Variants in ZNF558 observed in about 807,000 individuals in gnomAD.
ZNF558 encodes the protein zinc finger protein 558.
Under a neutral mutation model 37.6 loss-of-function variants are expected in ZNF558, and 23 were observed. The observed-to-expected ratio is 0.61, with a 90% CI of 0.44 to 0.87. The LOEUF (loss-of-function observed/expected upper bound fraction) is 0.87. Among genes scored for constraint, ZNF558 ranks in the 40% least tolerant of loss-of-function variants. ZNF558 has a pLI of 0.00. For missense variants in ZNF558, 429 were observed against 483.7 expected (o/e 0.89, Z 1.06); for synonymous variants, 189 against 174.4 (o/e 1.08, Z -0.66).
At chr19:8,818,112 T>C (rs1216678717) in intron 7 of ZNF558, among the ~76,000 whole-genome samples, 1 of 152,114 alleles carries the variant, frequency 6.6e-6, no homozygotes, top group East Asian at 1.9e-4. Context: ...TAAAAAACAA[T>C]GAACTCATAC....
chr19:8,817,891 G>A (rs186221054), intron 7 of ZNF558, among the ~76,000 whole-genome samples: 5 of 152,234 alleles, frequency 3.3e-5, no homozygotes, highest in Admixed American at 2.0e-4. Context: ...ATAATCGTTT[G>A]AGACTTCAAT....
At chr19:8,821,334 G>T (rs1166724741) in intron 6 of ZNF558, 28 bp from the exon 7 acceptor site, 6 of 1,614,028 alleles carry the variant, frequency 3.7e-6, no homozygotes, top group Non-Finnish European at 4.2e-6. Flanking sequence ...TCACGGCTTA[G>T]CCAAGGACCA....
Position 8,811,244 on chromosome 19 carries a change from T to G in ZNF558, c.*37A>C, listed in dbSNP as rs782819564. ...CTCAAACTATCTTAGGGATGAAAGA[T>G]CAATGAGTGCTTTCCTCCAGAAGTT... On this transcript the variant is annotated 3_prime_UTR_variant, in exon 10 of 10. Transcript: ENST00000601372. 1 of 1,514,590 alleles carries G rather than the reference T, an allele frequency of 6.6e-7. No individual in the cohort carries two copies. Among genetic ancestry groups the G allele is most frequent in the Non-Finnish European group, 8.8e-7 (1 of 1,130,084 alleles). The allele number at this position is 1,514,590 out of a possible 1,614,324, so 93.8% of individuals were successfully genotyped here.
At position 8,810,045 on chromosome 19, in the gene ZNF558, A is replaced by G. The variant is rs920705113; in HGVS notation, c.*1236T>C. 5 of 152,236 alleles carry G rather than the reference A, an allele frequency of 3.3e-5. No individual in the cohort carries two copies. Among genetic ancestry groups the G allele is most frequent in the African/African-American group, 9.6e-5 (4 of 41,472 alleles). 9.4% of individuals were successfully genotyped at this position (152,236 alleles called of 1,614,324 possible). A position where few individuals can be genotyped will look rare whatever the true frequency, so the allele number is the denominator to read the frequency against. ...GGTTTTGCATCCAGGGAGAAGTTCC[A>G]TATTTTCCCTAACACAGAGGCATCA... On this transcript the variant is annotated 3_prime_UTR_variant, in exon 10 of 10. Transcript: ENST00000601372.
chr19:8,816,982 A>G (rs567742939), intron 7 of ZNF558, among the ~76,000 whole-genome samples: 2 of 152,348 alleles, frequency 1.3e-5, no homozygotes, highest in East Asian at 3.9e-4. Flanking sequence ...TAAAATGCTT[A>G]TTAAAATTCT....
In ZNF558 at chr19:8,822,174, C is replaced by G; in HGVS notation, c.32-83G>C. 6.5e-7 allele frequency: 1 copy of G among 1,545,008 alleles called. No homozygotes were observed. Among genetic ancestry groups the G allele is most frequent in the South Asian group, 1.2e-5 (1 of 86,172 alleles). ...CCCCTGATTGACCACACCCACCTCC[C>G]ACACCCACACGGATGAGGCACCACA... is the stretch of plus-strand genomic sequence containing the variant. On this transcript the variant is annotated intron_variant, in intron 5 of 9. Transcript: ENST00000601372. This position sits in a 1 kb window ranked among gnomAD's most constrained non-coding sequence, Gnocchi z 4.4.
chr19:8,822,038 C>T lies in ZNF558; in HGVS notation c.85G>A (p.Glu29Lys), dbSNP rs769323779. 1.1e-5 allele frequency: 17 copies of T among 1,613,998 alleles called. No homozygotes were observed. The highest frequency in any genetic ancestry group is 1.4e-5 in the Non-Finnish European group (17 of 1,179,986). ...CTTGTCAGGAGCTCATTAACCAGCT[C>T]TCCGCCCTGTGTGTGTCCTTTTTGC... ...SQQKGHTQGGELVNELLTSWL... is the reference protein window; with the variant it reads ...SQQKGHTQGGKLVNELLTSWL... The change falls in exon 6 of 10, where the codon GAG becomes AAG. Residue 29 changes from glutamate (E) to lysine (K), a missense_variant. Glu to Lys is a moderately conservative substitution (Grantham distance 56). Transcript: ENST00000601372. The surrounding 1 kb of genome is among the most constrained non-coding windows in gnomAD (Gnocchi z 4.4).
chr19:8,834,161 A>T (rs2044426515), upstream of ZNF558, among the ~76,000 whole-genome samples: 1 of 152,304 alleles, frequency 6.6e-6, no homozygotes, highest in South Asian at 2.1e-4. Context: ...AAATAGTTAG[A>T]TCTCTGCTTC....
At chr19:8,817,658 G>C (rs2043972958) in intron 7 of ZNF558, among the ~76,000 whole-genome samples, 1 of 151,808 alleles carries the variant, frequency 6.6e-6, no homozygotes. Context: ...TAAGACACTT[G>C]CTTTATATTC....
upstream of ZNF558, among the ~76,000 whole-genome samples, chr19:8,835,049 T>C (rs924480941): frequency 3.0e-5 from 4 of 132,834 alleles, no homozygotes; most frequent in Admixed American, 3.0e-4. Context: ...GAACAAAGAG[T>C]TTTTTTTTTT....
intron 7 of ZNF558, among the ~76,000 whole-genome samples, chr19:8,817,453 G>A: frequency 6.6e-6 from 1 of 151,802 alleles, no homozygotes; most frequent in Non-Finnish European, 1.5e-5. Flanking sequence ...CCCAACTGTA[G>A]GCTAATGTAA....
At chr19:8,818,597 C>T (rs2044001584) in intron 7 of ZNF558, among the ~76,000 whole-genome samples, 1 of 152,048 alleles carries the variant, frequency 6.6e-6, no homozygotes, top group South Asian at 2.1e-4. Context: ...TCTGAAAATT[C>T]ATGGCATTGC....
In ZNF558 at chr19:8,811,323, G is replaced by T; in HGVS notation, c.1167C>A (p.Ser389=). 1.2e-6 allele frequency: 2 copies of T among 1,606,868 alleles called. No individual in the cohort carries two copies. The highest frequency in any genetic ancestry group is 1.7e-6 in the Non-Finnish European group (2 of 1,176,744). The change falls in exon 10 of 10, where the codon TCC becomes TCA. Residue 389 remains serine (S), a synonymous_variant. Transcript: ENST00000601372. ...NHCGKSFTSN[S]YLSVHKRIHN... is the part of the protein sequence containing the mutation. The stretch of plus-strand genomic sequence containing the variant: ...GTATTCTCTTGTGCACAGAAAGATA[G>T]GAGTTACTTGTGAAGGATTTCCCAC...
chr19:8,815,797 AAGAGAG>A lies in ZNF558; in HGVS notation c.248-2581_248-2576del, dbSNP rs145744383. Reference sequence around the variant, plus strand: ...TGAGTGAGAACCTGTCTCAAAGATAAAGAGAGAGAGAGAGAGAGAGAGAATGTGAGT... The same window carrying A: ...TGAGTGAGAACCTGTCTCAAAGATAAAGAGAGAGAGAGAGAGAATGTGAGT... On this transcript the variant is annotated intron_variant, in intron 7 of 9. Transcript: ENST00000601372. Among the ~76,000 whole-genome samples the A allele has an allele frequency of 2.9e-4, 43 of 148,132 alleles. No individual in the cohort carries two copies. The East Asian group carries it at 5.9e-3, about 20-fold the overall frequency.
In ZNF558 at chr19:8,814,398, A is replaced by C. The variant is rs563301063; in HGVS notation, c.248-1176T>G. Among the ~76,000 whole-genome samples, 17 of 152,354 alleles carry C rather than the reference A, an allele frequency of 1.1e-4. No homozygotes were observed. In the South Asian group the frequency reaches 3.1e-3, roughly 28 times the overall value. On this transcript the variant is annotated intron_variant, in intron 7 of 9. Transcript: ENST00000601372. ...TGGAACACACGTGATCGACAGATGTAAAGGTAAATGTATTAGTCAGTACTG... is the reference window on the plus strand; with the variant it reads ...TGGAACACACGTGATCGACAGATGTCAAGGTAAATGTATTAGTCAGTACTG...
chr19:8,828,251 C>T (rs937278974), intron 2 of ZNF558, among the ~76,000 whole-genome samples: 2 of 152,316 alleles, frequency 1.3e-5, no homozygotes, highest in East Asian at 1.9e-4. Context: ...CAGAGATGTT[C>T]GCTTTCCCCA....
intron 2 of ZNF558, among the ~76,000 whole-genome samples, chr19:8,829,804 G>T (rs2145309661): frequency 6.6e-6 from 1 of 152,268 alleles, no homozygotes; most frequent in South Asian, 2.1e-4. Context: ...ATTCCTTCAA[G>T]AATGCTGTAG....
In ZNF558 at chr19:8,822,848, G is replaced by T; in HGVS notation, c.-65-124C>A. 1 of 852,388 alleles carries T rather than the reference G, an allele frequency of 1.2e-6. No individual in the cohort carries two copies. 52.8% of individuals were successfully genotyped at this position (852,388 alleles called of 1,614,324 possible). A position where few individuals can be genotyped will look rare whatever the true frequency, so the allele number is the denominator to read the frequency against. ...ATGCAAGTTCCGGCTTCCACACTGG[G>T]CCTTTATTTTGCTGAGCAGGCAATG... On this transcript the variant is annotated intron_variant, in intron 4 of 9. Coordinates refer to ENST00000601372, the MANE Select transcript of ZNF558 (RefSeq NM_144693.3). The surrounding 1 kb of genome is among the most constrained non-coding windows in gnomAD (Gnocchi z 4.4).
intron 7 of ZNF558, 152 bp downstream of exon 7, chr19:8,821,028 G>T: frequency 8.3e-7 from 1 of 1,209,628 alleles, no homozygotes; most frequent in Non-Finnish European, 1.1e-6. Flanking sequence ...TACCATGAAT[G>T]TATGAAAAAC....
Sources: allele counts gnomAD v4.1 joint callset (sites outside exome capture counted in the v4.1 genomes callset), GRCh38; gene constraint gnomAD v4.1.1; non-coding constraint Gnocchi (gnomAD v3.1); transcripts MANE v1.5; gene names NCBI Gene and HGNC (gene_info 2026-07-23, HGNC 2026-07-21).